Variants in ARHGAP15 observed in about 807,000 individuals in gnomAD.
ARHGAP15 encodes Rho GTPase activating protein 15.
Under a neutral mutation model 63.7 loss-of-function variants are expected in ARHGAP15, and 51 were observed. The ratio of observed to expected loss-of-function variants is 0.80; its 90% CI spans 0.64 to 1.01. ARHGAP15 has a LOEUF of 1.01. ARHGAP15 is among the 50% of genes least tolerant of loss of function. The pLI is 0.00. For missense variants in ARHGAP15, 560 were observed against 564.6 expected (o/e 0.99, Z 0.08); for synonymous variants, 191 against 193.8 (o/e 0.99, Z 0.12).
chr2:143,377,098 C>T (rs982317491), intron 6 of ARHGAP15, among the ~76,000 whole-genome samples: 3 of 151,994 alleles, frequency 2.0e-5, no homozygotes, highest in African/African-American at 7.2e-5. Context: ...CTTTCCCCAA[C>T]ATTTAGTAGG....
chr2:143,560,365 TTCTTACATCCCA>T (rs1695970486), intron 11 of ARHGAP15, among the ~76,000 whole-genome samples: 1 of 152,232 alleles, frequency 6.6e-6, no homozygotes. Context: ...ATCTAATCCT[TTCTTACATCCCA>T]TAGAGTAGGC....
intron 6 of ARHGAP15, among the ~76,000 whole-genome samples, chr2:143,370,272 G>A (rs1686489371): frequency 6.6e-6 from 1 of 151,908 alleles, no homozygotes; most frequent in Non-Finnish European, 1.5e-5. Flanking sequence ...TAAGATCCTT[G>A]GCATGTCTTG....
intron 2 of ARHGAP15, among the ~76,000 whole-genome samples, chr2:143,170,560 T>A (rs1690733063): frequency 6.6e-6 from 1 of 152,110 alleles, no homozygotes; most frequent in African/African-American, 2.4e-5. Context: ...CTCTCCCTAC[T>A]GCATGCATTT....
chr2:143,421,422 G>T (rs1688911709), intron 6 of ARHGAP15, among the ~76,000 whole-genome samples: 1 of 151,634 alleles, frequency 6.6e-6, no homozygotes, highest in South Asian at 2.1e-4. Flanking sequence ...TGCAGGGTGG[G>T]AAGAGAAAAG....
intron 6 of ARHGAP15, among the ~76,000 whole-genome samples, chr2:143,265,981 T>C (rs1680970034): frequency 6.6e-6 from 1 of 152,052 alleles, no homozygotes; most frequent in African/African-American, 2.4e-5. Context: ...TAGAAACTGA[T>C]GAAAAACAGG....
intron 9 of ARHGAP15, among the ~76,000 whole-genome samples, chr2:143,497,449 C>A (rs928982513): frequency 1.3e-4 from 20 of 152,046 alleles, no homozygotes; most frequent in African/African-American, 4.8e-4. Flanking sequence ...CAAAAGAATC[C>A]CCTTTTTAAA....
intron 6 of ARHGAP15, among the ~76,000 whole-genome samples, chr2:143,257,111 C>T (rs769199204): frequency 6.6e-5 from 10 of 152,106 alleles, no homozygotes; most frequent in Non-Finnish European, 1.2e-4. Flanking sequence ...GAAAACAACA[C>T]GAACTTTATG....
chr2:143,655,615 A>C (rs574825615), intron 12 of ARHGAP15, among the ~76,000 whole-genome samples: 1 of 152,328 alleles, frequency 6.6e-6, no homozygotes, highest in African/African-American at 2.4e-5. Flanking sequence ...CAAGGATTTT[A>C]GCTTTTGTAT....
At chr2:143,253,020 C>T (rs1680233391) in intron 6 of ARHGAP15, among the ~76,000 whole-genome samples, 1 of 152,002 alleles carries the variant, frequency 6.6e-6, no homozygotes, top group African/African-American at 2.4e-5. Context: ...CTGAAAAAGA[C>T]CATCATAGCT....
intron 6 of ARHGAP15, among the ~76,000 whole-genome samples, chr2:143,427,358 TTATTAA>T (rs1558964252): frequency 6.6e-6 from 1 of 152,152 alleles, no homozygotes; most frequent in Admixed American, 6.6e-5. Flanking sequence ...GTTTGCTTAT[TTATTAA>T]TATTAACAGT....
intron 5 of ARHGAP15, among the ~76,000 whole-genome samples, chr2:143,248,234 A>T (rs1428669830): frequency 6.6e-6 from 1 of 152,196 alleles, no homozygotes; most frequent in African/African-American, 2.4e-5. Context: ...GACCTCTGAC[A>T]AGGTGACATT....
chr2:143,316,275 T>C (rs1175594904), intron 6 of ARHGAP15, among the ~76,000 whole-genome samples: 1 of 151,846 alleles, frequency 6.6e-6, no homozygotes, highest in African/African-American at 2.4e-5. Context: ...ACAAGCAGTA[T>C]TGACAACTGC....
chr2:143,429,035 A>T (rs1325819312), intron 6 of ARHGAP15, among the ~76,000 whole-genome samples: 1 of 152,154 alleles, frequency 6.6e-6, no homozygotes, highest in Non-Finnish European at 1.5e-5. Context: ...TGCTTTGATT[A>T]GTCTCTTTTT....
chr2:143,711,542 T>C (rs931507705), intron 13 of ARHGAP15, among the ~76,000 whole-genome samples: 4 of 152,166 alleles, frequency 2.6e-5, no homozygotes, highest in African/African-American at 9.7e-5. Flanking sequence ...TTAGGAATTA[T>C]AAAGAGAATA....
intron 6 of ARHGAP15, among the ~76,000 whole-genome samples, chr2:143,355,556 T>G (rs1010604032): frequency 6.6e-6 from 1 of 152,184 alleles, no homozygotes; most frequent in Non-Finnish European, 1.5e-5. Flanking sequence ...ATCAGTTAAT[T>G]ACAGTTAGCC....
intron 6 of ARHGAP15, among the ~76,000 whole-genome samples, chr2:143,286,720 GTTA>G (rs1424291282): frequency 6.6e-6 from 1 of 152,098 alleles, no homozygotes; most frequent in African/African-American, 2.4e-5. Context: ...TCATAAATTT[GTTA>G]TTTTTTTAAA....
intron 1 of ARHGAP15, among the ~76,000 whole-genome samples, chr2:143,142,602 T>C (rs1409739362): frequency 2.0e-5 from 3 of 152,086 alleles, no homozygotes; most frequent in Admixed American, 2.0e-4. Flanking sequence ...ATGATGTAGG[T>C]AGGGTATGGA....
At chr2:143,295,052 G>C (rs987523418) in intron 6 of ARHGAP15, among the ~76,000 whole-genome samples, 7 of 152,026 alleles carry the variant, frequency 4.6e-5, no homozygotes, top group Non-Finnish European at 1.0e-4. Flanking sequence ...CCATTTTACA[G>C]TTGGGGAAAC....
chr2:143,200,425 G>GATTT (rs147457997), intron 2 of ARHGAP15, among the ~76,000 whole-genome samples: 18 of 147,294 alleles, frequency 1.2e-4, no homozygotes, highest in Admixed American at 1.2e-3. Context: ...CACAGACATT[G>GATTT]ATCTAATTCC....
Sources: gnomAD v4.1 joint callset for allele counts (sites outside exome capture counted in the v4.1 genomes callset) on GRCh38, gnomAD v4.1.1 for gene constraint, MANE v1.5 for transcripts, NCBI Gene and HGNC (gene_info 2026-07-23, HGNC 2026-07-21) for gene names.